The following GRM7 variants were observed in gnomAD, a reference collection of about 807,000 sequenced individuals.
The protein encoded by GRM7 is glutamate metabotropic receptor 7.
Under a neutral mutation model 84.5 loss-of-function variants are expected in GRM7, and 35 were observed. That is an observed-to-expected ratio of 0.41 (90% CI 0.32 to 0.55). The LOEUF (loss-of-function observed/expected upper bound fraction) is 0.55. Ranked by LOEUF, GRM7 falls within the 20% of genes least tolerant of loss-of-function variation. The pLI is 0.19. For synonymous variants in GRM7, 487 were observed against 455.1 expected (o/e 1.07, Z -0.89); for missense variants, 1,003 against 1,194.6 (o/e 0.84, Z 2.36).
intron 7 of GRM7, among the ~76,000 whole-genome samples, chr3:7,497,120 A>G (rs902640448): frequency 2.1e-5 from 3 of 144,338 alleles, no homozygotes; most frequent in African/African-American, 7.4e-5. Context: ...CATGTCTAGC[A>G]TGGTCATGAA....
chr3:7,091,751 G>A (rs967049268), intron 1 of GRM7, among the ~76,000 whole-genome samples: 1 of 83,106 alleles, frequency 1.2e-5, no homozygotes, highest in Non-Finnish European at 2.4e-5. Context: ...GAGCGTTTTT[G>A]ACAGTATGGT....
intron 5 of GRM7, among the ~76,000 whole-genome samples, chr3:7,450,111 T>A (rs567741694): frequency 9.4e-4 from 9 of 9,620 alleles, no homozygotes; most frequent in Non-Finnish European, 1.7e-3. Context: ...GGCCAATAAC[T>A]TTTTATCAGA....
chr3:7,178,681 C>T (rs914293032), intron 2 of GRM7, among the ~76,000 whole-genome samples: 3 of 152,162 alleles, frequency 2.0e-5, no homozygotes, highest in Admixed American at 2.0e-4. Flanking sequence ...CTCAACTGGC[C>T]TAACACAGTT....
At chr3:7,368,276 G>A (rs1328136938) in intron 4 of GRM7, among the ~76,000 whole-genome samples, 4 of 151,806 alleles carry the variant, frequency 2.6e-5, no homozygotes, top group Non-Finnish European at 4.4e-5. Flanking sequence ...AAAAATGAAG[G>A]CAATTTTAAA....
At chr3:7,535,933 G>A (rs143373791) in intron 7 of GRM7, among the ~76,000 whole-genome samples, 3 of 152,292 alleles carry the variant, frequency 2.0e-5, no homozygotes, top group African/African-American at 2.4e-5. Flanking sequence ...CTGCATCTGC[G>A]TAAGGTGGGA....
chr3:7,510,520 A>C (rs929642114), intron 7 of GRM7, among the ~76,000 whole-genome samples: 1 of 152,152 alleles, frequency 6.6e-6, no homozygotes, highest in African/African-American at 2.4e-5. Flanking sequence ...CCTTGTAGCC[A>C]ATCTCCTTTA....
intron 1 of GRM7, among the ~76,000 whole-genome samples, chr3:7,033,365 A>G (rs1409093466): frequency 6.6e-6 from 1 of 152,166 alleles, no homozygotes; most frequent in Admixed American, 6.5e-5. Flanking sequence ...CTCACAATAT[A>G]TATAAAATTA....
At chr3:6,943,385 T>C (rs752936153) in intron 1 of GRM7, among the ~76,000 whole-genome samples, 1 of 152,038 alleles carries the variant, frequency 6.6e-6, no homozygotes, top group Non-Finnish European at 1.5e-5. Context: ...CTATACAATG[T>C]GTGTTATGAA....
rs1323462178 is a variant in GRM7 at position 7,524,564 on chromosome 3, G to C, written c.1516-53858G>C. 6.8e-5 allele frequency among the ~76,000 whole-genome samples: 6 copies of C among 88,554 alleles called. 2 individuals are homozygous for C. Among genetic ancestry groups the C allele is most frequent in the African/African-American group, 3.4e-4 (5 of 14,526 alleles). 58.1% of individuals were successfully genotyped at this position (88,554 alleles called of 152,430 possible). ...GAAATGCAAATCAAAACCACAATGA[G>C]ATACCATCTCACACCAGTTAGAATG... On this transcript the variant is annotated intron_variant, in intron 7 of 9. Transcript: ENST00000357716.
rs542404264 is a variant in GRM7, at chr3:7,579,623, A to G, written c.2451+266A>G. Among the ~76,000 whole-genome samples, 8 of 152,338 alleles carry G rather than the reference A, an allele frequency of 5.3e-5. No homozygotes were observed. The South Asian group carries it at 1.7e-3, about 32-fold the overall frequency. On this transcript the variant is annotated intron_variant, in intron 8 of 9. Transcript: ENST00000357716. ...TATTAAATGTAATGAGAGATTATCT[A>G]GCATAAAATTATCTATCTAAAATAA...
intron 2 of GRM7, among the ~76,000 whole-genome samples, chr3:7,150,342 G>A (rs370365232): frequency 3.9e-5 from 6 of 152,108 alleles, no homozygotes; most frequent in South Asian, 2.1e-4. Context: ...CATGCTCACC[G>A]TCACAGTGCA....
At chr3:7,559,146 T>TTC (rs1693897812) in intron 7 of GRM7, 1 of 152,124 alleles carries the variant, frequency 6.6e-6, no homozygotes. Context: ...TTTTTTTTTT[T>TTC]TTCATTGAAA....
chr3:7,708,139 T>C (rs1354685626), intron 9 of GRM7, among the ~76,000 whole-genome samples: 1 of 151,836 alleles, frequency 6.6e-6, no homozygotes, highest in African/African-American at 2.4e-5. Context: ...CTTTTTTTTT[T>C]CTCTTTTTAC....
At chr3:6,891,615 T>G (rs1269609226) in intron 1 of GRM7, among the ~76,000 whole-genome samples, 1 of 152,250 alleles carries the variant, frequency 6.6e-6, no homozygotes, top group Non-Finnish European at 1.5e-5. Context: ...GTTAGTCTGA[T>G]GGGCTTCCCT....
chr3:7,193,326 T>A (rs552280010), intron 2 of GRM7, among the ~76,000 whole-genome samples: 3 of 152,250 alleles, frequency 2.0e-5, no homozygotes, highest in Admixed American at 1.3e-4. Flanking sequence ...TCCATATAGT[T>A]GCTTATTGGA....
intron 5 of GRM7, among the ~76,000 whole-genome samples, chr3:7,445,301 G>T (rs114574552): frequency 4.9e-4 from 74 of 152,292 alleles, no homozygotes; most frequent in African/African-American, 1.7e-3. Flanking sequence ...GGATAGGGAA[G>T]AAACCATTTG....
intron 4 of GRM7, among the ~76,000 whole-genome samples, chr3:7,368,316 C>T (rs1221120353): frequency 6.6e-6 from 1 of 152,052 alleles, no homozygotes; most frequent in East Asian, 1.9e-4. Flanking sequence ...TATCTTTCCT[C>T]ACCACATCAC....
In GRM7 at chr3:7,579,113, A is replaced by C; in HGVS notation, c.2207A>C (p.Lys736Thr). 1.2e-6 allele frequency: 2 copies of C among 1,613,932 alleles called. No individual in the cohort carries two copies. The highest frequency in any genetic ancestry group is 1.7e-6 in the Non-Finnish European group (2 of 1,179,840). The part of the protein sequence containing the change: ...PNIIIDYDEH[K>T]TMNPEQARGV... ...ATCATCATAGACTATGATGAACACAAGACAATGAACCCTGAGCAAGCCAGA... is the reference window on the plus strand; with the variant it reads ...ATCATCATAGACTATGATGAACACACGACAATGAACCCTGAGCAAGCCAGA... The change falls in exon 8 of 10, where the codon AAG (lysine) becomes ACG (threonine). Residue 736 changes from lysine to threonine, a missense_variant. Physicochemically the swap from Lys to Thr is moderately conservative, Grantham distance 78. Transcript: ENST00000357716.
chr3:7,616,466 C>G lies in GRM7; in HGVS notation c.2451+37109C>G, dbSNP rs1053257587. Among the ~76,000 whole-genome samples the G allele has an allele frequency of 3.3e-5, 5 of 152,062 alleles. No homozygotes were observed. The East Asian group carries it at 9.7e-4, about 29-fold the overall frequency. ...TATTTAGATGGTTTCACTCACTGCT[C>G]AAAACTTTCCCTAGGTCCATCAGGA... On this transcript the variant is annotated intron_variant, in intron 8 of 9. Transcript: ENST00000357716.
Sources: allele counts gnomAD v4.1 joint callset (sites outside exome capture counted in the v4.1 genomes callset), GRCh38; gene constraint gnomAD v4.1.1; transcripts MANE v1.5; gene names NCBI Gene and HGNC (gene_info 2026-07-23, HGNC 2026-07-21).